The following PPP2R2B variants were observed in gnomAD, a reference collection of about 807,000 sequenced individuals.
PPP2R2B encodes protein phosphatase 2 regulatory subunit Bbeta.
Under a neutral mutation model 46.0 loss-of-function variants are expected in PPP2R2B, and 5 were observed. The ratio of observed to expected loss-of-function variants is 0.11; its 90% CI spans 0.06 to 0.23. The LOEUF (loss-of-function observed/expected upper bound fraction) is 0.23. Among genes scored for constraint, PPP2R2B ranks in the 10% least tolerant of loss-of-function variants. PPP2R2B has a pLI of 1.00. For missense variants in PPP2R2B, 367 were observed against 575.0 expected (o/e 0.64, Z 3.70); for synonymous variants, 215 against 206.7 (o/e 1.04, Z -0.34).
intron 2 of PPP2R2B, among the ~76,000 whole-genome samples, chr5:146,864,706 C>A (rs1228044927): frequency 6.6e-6 from 1 of 152,196 alleles, no homozygotes; most frequent in Non-Finnish European, 1.5e-5. Flanking sequence ...CCTGCCTCTC[C>A]TCTCAGAAAG....
At chr5:146,955,504 A>C (rs1359171293) in intron 1 of PPP2R2B, among the ~76,000 whole-genome samples, 1 of 152,168 alleles carries the variant, frequency 6.6e-6, no homozygotes, top group African/African-American at 2.4e-5. Flanking sequence ...AAGCACCTGA[A>C]GTATCAATTT....
chr5:146,621,555 G>A (rs1167342429), intron 7 of PPP2R2B, among the ~76,000 whole-genome samples: 1 of 152,164 alleles, frequency 6.6e-6, no homozygotes, highest in African/African-American at 2.4e-5. Context: ...TAAACCGCTG[G>A]TTTGGGCTTC....
At position 146,587,665 on chromosome 5, in the gene PPP2R2B, T is replaced by G. The variant is rs1434426403; in HGVS notation, c.*2282A>C. 1 of 152,062 alleles carries G rather than the reference T, an allele frequency of 6.6e-6. No homozygotes were observed. The highest frequency in any genetic ancestry group is 1.5e-5 in the Non-Finnish European group (1 of 68,028). 9.4% of individuals were successfully genotyped at this position (152,062 alleles called of 1,614,324 possible). A position where few individuals can be genotyped will look rare whatever the true frequency, so the allele number is the denominator to read the frequency against. On this transcript the variant is annotated 3_prime_UTR_variant, in exon 10 of 10. Transcript: ENST00000394411. ...AGTTACTCAGGGTCCCAAAGTTTGA[T>G]ACACATGCTCCTGGTGGTTCACAAA...
chr5:146,868,650 TTAC>T (rs10584114), intron 2 of PPP2R2B, among the ~76,000 whole-genome samples: 38,299 of 152,114 alleles, frequency 0.25, 4,893 homozygotes, highest in East Asian at 0.35. Context: ...ACATAACTGC[TTAC>T]GATACTGCAT....
Position 146,638,264 on chromosome 5 carries a change from G to A in PPP2R2B, c.777C>T (p.Asp259=), listed in dbSNP as rs1774954400. 1 of 1,613,214 alleles carries A rather than the reference G, an allele frequency of 6.2e-7. No individual in the cohort carries two copies. Among genetic ancestry groups the A allele is most frequent in the Non-Finnish European group, 8.5e-7 (1 of 1,179,414 alleles). The change falls in exon 7 of 10, where the codon GAC becomes GAT. Residue 259 remains aspartate (D), a synonymous_variant. Transcript: ENST00000394411. ...GTTGCTACTCACATTTGGTGTGCCT[G>A]TCACACAGGGCAGATGCCCGCATGT... ...LCDMRASALC[D]RHTKFFEEPE...
intron 1 of PPP2R2B, among the ~76,000 whole-genome samples, chr5:146,997,026 A>G (rs1459533347): frequency 6.6e-6 from 1 of 152,128 alleles, no homozygotes; most frequent in African/African-American, 2.4e-5. Context: ...ACCTTTTAAA[A>G]TTGGAAGACT....
At chr5:146,698,566 G>C (rs956893899) in intron 3 of PPP2R2B, among the ~76,000 whole-genome samples, 2 of 151,742 alleles carry the variant, frequency 1.3e-5, no homozygotes, top group Non-Finnish European at 2.9e-5. Context: ...CCCTTAAAGA[G>C]AGTACAAAAT....
chr5:146,962,165 T>G (rs2151842488), intron 1 of PPP2R2B, among the ~76,000 whole-genome samples: 1 of 148,218 alleles, frequency 6.7e-6, no homozygotes, highest in Admixed American at 6.8e-5. Flanking sequence ...ACGTGTACTC[T>G]GAGCCCTAGA....
At chr5:147,035,178 T>C (rs776545132) in intron 1 of PPP2R2B, 4 of 451,986 alleles carry the variant, frequency 8.8e-6, no homozygotes, top group African/African-American at 2.0e-5. Flanking sequence ...CAGTTCTGCA[T>C]GGCTGGGGAG....
intron 1 of PPP2R2B, among the ~76,000 whole-genome samples, chr5:147,007,352 C>T (rs539101897): frequency 2.6e-5 from 4 of 152,218 alleles, no homozygotes; most frequent in African/African-American, 7.2e-5. Context: ...TTCTGTCTAG[C>T]TAAAGGTTTG....
intron 5 of PPP2R2B, among the ~76,000 whole-genome samples, chr5:146,662,579 C>T (rs1776735933): frequency 6.6e-6 from 1 of 152,144 alleles, no homozygotes; most frequent in South Asian, 2.1e-4. Context: ...ATTGAACTTT[C>T]CAGCCTCTAA....
intron 2 of PPP2R2B, among the ~76,000 whole-genome samples, chr5:146,741,035 CAAAAA>C (rs34289574): frequency 2.8e-5 from 4 of 142,536 alleles, no homozygotes; most frequent in African/African-American, 1.0e-4. Context: ...GACTCCGTCT[CAAAAA>C]AAAAAAAAAA....
At chr5:146,681,640 T>C (rs900601371) in intron 5 of PPP2R2B, among the ~76,000 whole-genome samples, 1 of 152,208 alleles carries the variant, frequency 6.6e-6, no homozygotes, top group Non-Finnish European at 1.5e-5. Context: ...AATGAAAAGA[T>C]GGGAGAATCA....
intron 1 of PPP2R2B, among the ~76,000 whole-genome samples, chr5:146,957,154 T>C (rs986299351): frequency 6.6e-6 from 1 of 152,206 alleles, no homozygotes; most frequent in Non-Finnish European, 1.5e-5. Context: ...GCAGTAAATA[T>C]GTGTGTTGCC....
chr5:147,009,535 T>G (rs894212529), intron 1 of PPP2R2B, among the ~76,000 whole-genome samples: 1 of 152,066 alleles, frequency 6.6e-6, no homozygotes. Context: ...AGACGAAGGA[T>G]GAGGTGGAAG....
In PPP2R2B at chr5:146,586,706, G is replaced by A. The variant is rs1770181706; in HGVS notation, c.*3241C>T. The A allele has an allele frequency of 6.6e-6, 1 of 152,124 alleles. No homozygotes were observed. Among genetic ancestry groups the A allele is most frequent in the Admixed American group, 6.5e-5 (1 of 15,274 alleles). The allele number at this position is 152,124 out of a possible 1,614,324, so 9.4% of individuals were successfully genotyped here. ...GTTGAATTAATTACAAGATCAATGA[G>A]AGGTTTAAAGGTGCTTTTTTTTCAA... On this transcript the variant is annotated 3_prime_UTR_variant, in exon 10 of 10. Transcript: ENST00000394411.
At chr5:147,052,344 A>G (rs1165935032) in intron 1 of PPP2R2B, among the ~76,000 whole-genome samples, 1 of 152,210 alleles carries the variant, frequency 6.6e-6, no homozygotes, top group Non-Finnish European at 1.5e-5. Flanking sequence ...CTAAGCACCT[A>G]TAATGTGCCT....
At chr5:146,641,027 C>T (rs1775172925) in intron 6 of PPP2R2B, among the ~76,000 whole-genome samples, 1 of 152,158 alleles carries the variant, frequency 6.6e-6, no homozygotes, top group Admixed American at 6.5e-5. Context: ...CAGGGATAAA[C>T]CATGATTATC....
intron 4 of PPP2R2B, among the ~76,000 whole-genome samples, chr5:146,696,572 G>A (rs1196990957): frequency 6.6e-6 from 1 of 152,206 alleles, no homozygotes; most frequent in Non-Finnish European, 1.5e-5. Context: ...GCCCGTTAGT[G>A]AAACTTAAAT....
Sources: allele counts gnomAD v4.1 joint callset (sites outside exome capture counted in the v4.1 genomes callset), GRCh38; gene constraint gnomAD v4.1.1; transcripts MANE v1.5; gene names NCBI Gene and HGNC (gene_info 2026-07-23, HGNC 2026-07-21).